Variants in ABCC2 observed in about 807,000 individuals in gnomAD.
ABCC2 encodes the protein ATP-binding cassette sub-family C member 2.
In ABCC2, 157 loss-of-function variants were observed where a neutral mutation model predicts 173.4. The observed-to-expected ratio is 0.91, with a 90% CI of 0.80 to 1.03. ABCC2 has a LOEUF of 1.03. Among genes scored for constraint, ABCC2 ranks in the 50% least tolerant of loss-of-function variants. The pLI is 0.00. For missense variants in ABCC2, 1,822 were observed against 1,852.3 expected (o/e 0.98, Z 0.30); for synonymous variants, 657 against 693.5 (o/e 0.95, Z 0.83).
chr10:99,850,892 C>G, intron 31 of ABCC2, 96 bp downstream of exon 31: 1 of 1,403,160 alleles, frequency 7.1e-7, no homozygotes, highest in South Asian at 1.2e-5. Flanking sequence ...GAAGGTTTAA[C>G]CACCACCACA....
intron 9 of ABCC2, among the ~76,000 whole-genome samples, chr10:99,801,535 C>T (rs1217088542): frequency 1.3e-5 from 2 of 152,108 alleles, no homozygotes; most frequent in Non-Finnish European, 2.9e-5. Context: ...CGCGCCTGGC[C>T]GATACATTGT....
chr10:99,819,311 G>T, intron 19 of ABCC2, 42 bp downstream of exon 19: 1 of 1,577,730 alleles, frequency 6.3e-7, no homozygotes, highest in Non-Finnish European at 8.7e-7. Context: ...TTGGGCCATG[G>T]GTGGAATGGT....
At chr10:99,834,668 A>ATTGTTTAGTCAACATTTAG in intron 24 of ABCC2, 133 bp downstream of exon 24, 1 of 1,096,816 alleles carries the variant, frequency 9.1e-7, no homozygotes, top group Non-Finnish European at 1.4e-6. Flanking sequence ...CCATTTAGTC[A>ATTGTTTAGTCAACATTTAG]TATGTTGACA....
At chr10:99,795,881 T>G (rs1325233379) in intron 6 of ABCC2, among the ~76,000 whole-genome samples, 1 of 152,240 alleles carries the variant, frequency 6.6e-6, no homozygotes, top group Non-Finnish European at 1.5e-5. Flanking sequence ...GGTTTACAAC[T>G]GTAATCCTAG....
intron 19 of ABCC2, among the ~76,000 whole-genome samples, chr10:99,826,161 A>G (rs1236955249): frequency 6.6e-6 from 1 of 152,236 alleles, no homozygotes; most frequent in Admixed American, 6.5e-5. Flanking sequence ...TAAGTGACCA[A>G]TTTGACCACA....
intron 26 of ABCC2, among the ~76,000 whole-genome samples, chr10:99,842,901 A>C (rs1716573971): frequency 6.6e-6 from 1 of 152,082 alleles, no homozygotes; most frequent in African/African-American, 2.4e-5. Context: ...AATACAAAAA[A>C]AATTAGCCAG....
chr10:99,846,990 G>A lies in ABCC2; in HGVS notation c.4176G>A (p.Arg1392=). Residue 1392 remains arginine (R), a synonymous_variant, in exon 30 of 32, where the codon AGG becomes AGA. Coordinates refer to ENST00000647814, the MANE Select transcript of ABCC2 (RefSeq NM_000392.5). ...CCATCCTGTTCTCTGGAAGCCTGAG[G>A]ATGAATCTCGACCCTTTCAACAACT... ...QDPILFSGSL[R]MNLDPFNNYS... 5.0e-6 allele frequency: 8 copies of A among 1,614,030 alleles called. No individual in the cohort carries two copies. Among genetic ancestry groups the A allele is most frequent in the Non-Finnish European group, 6.8e-6 (8 of 1,179,912 alleles).
intron 10 of ABCC2, 91 bp downstream of exon 10, chr10:99,804,364 G>T: frequency 6.5e-7 from 1 of 1,546,120 alleles, no homozygotes. Context: ...GGGAGTTTGG[G>T]CAAGGCAAAG....
chr10:99,839,088 A>C (rs1236263385), intron 25 of ABCC2, among the ~76,000 whole-genome samples: 2,631 of 33,204 alleles, frequency 0.079, no homozygotes, highest in Admixed American at 0.15. Flanking sequence ...GCAGGGGGGC[A>C]GACCCCCCCC....
intron 30 of ABCC2, among the ~76,000 whole-genome samples, chr10:99,849,260 G>C (rs2039058144): frequency 6.6e-6 from 1 of 152,172 alleles, no homozygotes; most frequent in Non-Finnish European, 1.5e-5. Context: ...CTGTGTGCCA[G>C]GTACTGAAAA....
intron 16 of ABCC2, among the ~76,000 whole-genome samples, chr10:99,817,102 G>A (rs950009641): frequency 6.6e-6 from 1 of 152,176 alleles, no homozygotes; most frequent in African/African-American, 2.4e-5. Flanking sequence ...AAAAGTGGAT[G>A]GGGCTTTTAA....
intron 2 of ABCC2, among the ~76,000 whole-genome samples, chr10:99,785,387 C>A (rs2037689238): frequency 6.6e-6 from 1 of 152,158 alleles, no homozygotes. Context: ...GAGCCCTCAG[C>A]CAGCTGCACC....
At chr10:99,834,610 T>C in intron 24 of ABCC2, 75 bp downstream of exon 24, 1 of 1,524,556 alleles carries the variant, frequency 6.6e-7, no homozygotes, top group Non-Finnish European at 9.1e-7. Flanking sequence ...CTGAGAATCT[T>C]CTCTCTGATT....
In ABCC2 at chr10:99,843,052, C is replaced by CAA. The variant is rs147966035; in HGVS notation, c.3742-733_3742-732dup. On this transcript the variant is annotated intron_variant, in intron 26 of 31. Coordinates refer to ENST00000647814, the MANE Select transcript of ABCC2 (RefSeq NM_000392.5). ...TGGGCAACAGAGCAAGATTCCATCT[C>CAA]AAAAAAAAAAAAAAAGAAGTTAATA... Among the ~76,000 whole-genome samples, 22 of 114,928 alleles carry CAA rather than the reference C, an allele frequency of 1.9e-4. No homozygotes were observed. In the East Asian group the frequency reaches 2.5e-3, roughly 13 times the overall value. The allele number at this position is 114,928 out of a possible 152,430, so 75.4% of individuals were successfully genotyped here. A position where few individuals can be genotyped will look rare whatever the true frequency, so the allele number is the denominator to read the frequency against.
chr10:99,783,356 T>C (rs2132938048), intron 1 of ABCC2, among the ~76,000 whole-genome samples: 1 of 152,280 alleles, frequency 6.6e-6, no homozygotes, highest in Middle Eastern at 3.4e-3. Context: ...ATTGAAATAA[T>C]TTTTGAACAA....
chr10:99,820,951 G>A (rs182560164), intron 19 of ABCC2, among the ~76,000 whole-genome samples: 1 of 152,164 alleles, frequency 6.6e-6, no homozygotes, highest in East Asian at 1.9e-4. Context: ...AGCATATGGA[G>A]GATCCCGCCA....
At chr10:99,791,058 T>G (rs1275401459) in intron 2 of ABCC2, among the ~76,000 whole-genome samples, 2 of 152,144 alleles carry the variant, frequency 1.3e-5, no homozygotes, top group Non-Finnish European at 2.9e-5. Context: ...TAAAACAGTG[T>G]AATGTGTATC....
In ABCC2 at chr10:99,797,221, G is replaced by A. The variant is rs1278520457; in HGVS notation, c.757G>A (p.Ala253Thr). The change falls in exon 7 of 32, where the codon GCC becomes ACC. Residue 253 changes from alanine to threonine, a missense_variant. Transcript: ENST00000647814. ...ETHMKRELQKARRALQRRQEK... is the reference protein window; with the variant it reads ...ETHMKRELQKTRRALQRRQEK... ...GCACATGAAGAGAGAGCTGCAGAAA[G>A]CCAGGCGGGCACTCCAGAGACGGCA... 1 of 1,614,060 alleles carries A rather than the reference G, an allele frequency of 6.2e-7. No individual in the cohort carries two copies. Among genetic ancestry groups the A allele is most frequent in the African/African-American group, 1.3e-5 (1 of 74,934 alleles).
rs1259112303 is a variant in ABCC2 at position 99,782,871 on chromosome 10, T to A, written c.27T>A (p.Thr9=). 1.2e-6 allele frequency: 2 copies of A among 1,613,912 alleles called. No homozygotes were observed. Among genetic ancestry groups the A allele is most frequent in the Non-Finnish European group, 1.7e-6 (2 of 1,179,888 alleles). ...TGCTGGAGAAGTTCTGCAACTCTAC[T>A]TTTTGGGTGAGAAATTACATTTATC... MLEKFCNS[T]FWNSSFLDSP... is the part of the protein sequence containing the mutation. Residue 9 remains threonine (T), a synonymous_variant, in exon 1 of 32, where the codon ACT becomes ACA. Transcript: ENST00000647814.
Sources: gnomAD v4.1 joint callset for allele counts (sites outside exome capture counted in the v4.1 genomes callset) on GRCh38, gnomAD v4.1.1 for gene constraint, MANE v1.5 for transcripts, NCBI Gene and HGNC (gene_info 2026-07-23, HGNC 2026-07-21) for gene names.